Variants in SUSD4 observed in about 807,000 individuals in gnomAD.
SUSD4 encodes the protein sushi domain-containing protein 4.
A neutral mutation model predicts 50.5 loss-of-function variants in SUSD4; 41 were observed. The ratio of observed to expected loss-of-function variants is 0.81; its 90% confidence interval spans 0.63 to 1.05. SUSD4 has a LOEUF of 1.05. Among genes scored for constraint, SUSD4 ranks in the 50% least tolerant of loss-of-function variants. SUSD4 has a pLI of 0.00. For synonymous variants in SUSD4, 257 were observed against 257.3 expected, an observed-to-expected ratio of 1.00 and a Z score of 0.01; for missense variants, 580 against 634.7, an observed-to-expected ratio of 0.91 and a Z score of 0.93.
intron 2 of SUSD4, among the ~76,000 whole-genome samples, chr1:223,351,497 G>GT (rs1668364635): frequency 6.6e-6 from 1 of 152,198 alleles, no homozygotes; most frequent in Non-Finnish European, 1.5e-5. Flanking sequence ...TGCTCTGGGA[G>GT]TTCTGAGAAC....
chr1:223,277,253 G>A (rs1157934773), intron 3 of SUSD4, among the ~76,000 whole-genome samples: 1 of 152,096 alleles, frequency 6.6e-6, no homozygotes, highest in East Asian at 1.9e-4. Flanking sequence ...GTCTATGGGA[G>A]CCAAAATATT....
At chr1:223,235,236 T>C in intron 5 of SUSD4, 2 of 911,888 alleles carry the variant, frequency 2.2e-6, no homozygotes, top group Non-Finnish European at 3.2e-6. Flanking sequence ...CACAGCAATA[T>C]TGAGCAGAAG....
chr1:223,342,220 T>A (rs1277372454), intron 2 of SUSD4, among the ~76,000 whole-genome samples: 1 of 152,144 alleles, frequency 6.6e-6, no homozygotes, highest in Non-Finnish European at 1.5e-5. Flanking sequence ...GAAGTCATGT[T>A]CTCTAGGTCA....
intron 2 of SUSD4, among the ~76,000 whole-genome samples, chr1:223,306,637 G>A (rs1053478843): frequency 6.6e-6 from 1 of 152,140 alleles, no homozygotes; most frequent in African/African-American, 2.4e-5. Flanking sequence ...GACTACAGGT[G>A]TGTGCCACCA....
chr1:223,285,345 G>A (rs924394726), intron 3 of SUSD4, among the ~76,000 whole-genome samples: 2 of 152,090 alleles, frequency 1.3e-5, no homozygotes, highest in African/African-American at 2.4e-5. Context: ...GTGTAGCGAC[G>A]TTCCTCCTTC....
chr1:223,322,027 G>A (rs552480737), intron 2 of SUSD4, among the ~76,000 whole-genome samples: 1 of 152,312 alleles, frequency 6.6e-6, no homozygotes, highest in South Asian at 2.1e-4. Context: ...ACACTCCAAT[G>A]AGCATTTCCT....
intron 3 of SUSD4, among the ~76,000 whole-genome samples, chr1:223,273,616 C>A (rs527238127): frequency 1.4e-4 from 21 of 152,284 alleles, no homozygotes; most frequent in African/African-American, 4.6e-4. Flanking sequence ...GGGTCATGGG[C>A]CATGCAGTAT....
chr1:223,317,825 C>T (rs1300686748), intron 2 of SUSD4, among the ~76,000 whole-genome samples: 2 of 132,782 alleles, frequency 1.5e-5, no homozygotes, highest in African/African-American at 5.7e-5. Context: ...CTCGTCAATG[C>T]TTGCCCTTCT....
intron 2 of SUSD4, 88 bp downstream of exon 2, chr1:223,363,190 G>A (rs532944814): frequency 1.5e-6 from 2 of 1,346,656 alleles, no homozygotes; most frequent in South Asian, 2.0e-5. Context: ...GGGTGTATGG[G>A]GGAGGGGTGC....
intron 2 of SUSD4, among the ~76,000 whole-genome samples, chr1:223,322,737 T>G (rs1023263446): frequency 6.6e-6 from 1 of 152,186 alleles, no homozygotes; most frequent in Admixed American, 6.5e-5. Flanking sequence ...GAACAGTGCA[T>G]TCACCAAATT....
At chr1:223,363,731 C>G (rs1007235580) in intron 1 of SUSD4, 5 of 300,704 alleles carry the variant, frequency 1.7e-5, no homozygotes, top group Non-Finnish European at 3.1e-5. Flanking sequence ...GGCTCCGCGC[C>G]GGTCCCCGGG....
intron 2 of SUSD4, among the ~76,000 whole-genome samples, chr1:223,320,307 G>A (rs1666496067): frequency 6.6e-6 from 1 of 152,172 alleles, no homozygotes; most frequent in South Asian, 2.1e-4. Context: ...TTTGTAATGT[G>A]ACGACATCAT....
chr1:223,258,740 G>T (rs851197), intron 5 of SUSD4, among the ~76,000 whole-genome samples: 6,881 of 152,212 alleles, frequency 0.045, 525 homozygotes, highest in African/African-American at 0.15. Flanking sequence ...CTACAGTGAT[G>T]TATTCCCCTG....
chr1:223,358,016 G>C (rs1193556376), intron 2 of SUSD4, among the ~76,000 whole-genome samples: 1 of 152,170 alleles, frequency 6.6e-6, no homozygotes, highest in Non-Finnish European at 1.5e-5. Flanking sequence ...AGCACAGCAA[G>C]GATAAAGAGG....
rs550387857 is a variant in SUSD4, at chr1:223,339,127, G to A, written c.148+24151C>T. Among the ~76,000 whole-genome samples the A allele has an allele frequency of 5.3e-5, 8 of 152,268 alleles. 1 individual carries two copies. Among genetic ancestry groups the A allele is most frequent in the South Asian group, 2.1e-4 (1 of 4,818 alleles). On this transcript the variant is annotated intron_variant, in intron 2 of 8. Transcript: ENST00000366878. Reference sequence around the variant, plus strand: ...ATCCTGGCAGTCACAGGAGGAGACCGTTTCAAGAAAATGAAGTAGCCAAGT... The same window carrying A: ...ATCCTGGCAGTCACAGGAGGAGACCATTTCAAGAAAATGAAGTAGCCAAGT...
In SUSD4 at chr1:223,229,402, G is replaced by A. The variant is rs1459716708; in HGVS notation, c.725-14C>T. The stretch of plus-strand genomic sequence containing the variant: ...GTAGTGGACAGACTTGGGCAGTAGG[G>A]GAGAATAAAAGTTTCAGAACCACAA... On this transcript the variant is annotated splice_polypyrimidine_tract_variant and intron_variant, in intron 5 of 8. Coordinates refer to ENST00000366878, the MANE Select transcript of SUSD4 (RefSeq NM_017982.4). The surrounding 1 kb of genome is among the most constrained non-coding windows in gnomAD (Gnocchi z 4.7). 1 of 1,572,760 alleles carries A rather than the reference G, an allele frequency of 6.4e-7. No individual in the cohort carries two copies. The highest frequency in any genetic ancestry group is 2.3e-5 in the East Asian group (1 of 43,876).
At chr1:223,348,466 C>T (rs1289112569) in intron 2 of SUSD4, among the ~76,000 whole-genome samples, 2 of 152,198 alleles carry the variant, frequency 1.3e-5, no homozygotes, top group East Asian at 3.9e-4. Context: ...TGTTCTATAT[C>T]TATTTATTCT....
rs954652787 is a variant in SUSD4 at position 223,343,803 on chromosome 1, C to T, written c.148+19475G>A. Among the ~76,000 whole-genome samples, 15 of 152,128 alleles carry T rather than the reference C, an allele frequency of 9.9e-5. No individual in the cohort carries two copies. In the East Asian group the frequency reaches 1.5e-3, roughly 16 times the overall value. ...TAGCTATGGTTTCCCTCTGTAAACC[C>T]GTGAAGTCCCTGTGCAACTGCTGTA... On this transcript the variant is annotated intron_variant, in intron 2 of 8. Transcript: ENST00000366878.
intron 2 of SUSD4, 145 bp downstream of exon 2, chr1:223,363,133 A>C (rs961645370): frequency 9.8e-7 from 1 of 1,015,324 alleles, no homozygotes; most frequent in African/African-American, 1.6e-5. Context: ...GGGCGGCCAT[A>C]GGCTGGGACG....
Sources: allele counts gnomAD v4.1 joint callset (sites outside exome capture counted in the v4.1 genomes callset), GRCh38; gene constraint gnomAD v4.1.1; non-coding constraint Gnocchi (gnomAD v3.1); transcripts MANE v1.5; gene names NCBI Gene and HGNC (gene_info 2026-07-23, HGNC 2026-07-21).